Variants in ZSCAN5A observed in about 807,000 individuals in gnomAD.
ZSCAN5A encodes the protein zinc finger and SCAN domain-containing protein 5A.
In ZSCAN5A, 12 loss-of-function variants were observed where a neutral mutation model predicts 23.7. That is an observed-to-expected ratio of 0.51 (90% CI 0.32 to 0.82). The LOEUF is 0.82. ZSCAN5A is among the 40% of genes least tolerant of loss of function. ZSCAN5A has a pLI of 0.03. For synonymous variants in ZSCAN5A, 257 were observed against 239.9 expected, an observed-to-expected ratio of 1.07 and a Z score of -0.66; for missense variants, 597 against 617.9, an observed-to-expected ratio of 0.97 and a Z score of 0.36.
chr19:56,297,896 A>C (rs2039980649), intron 2 of ZSCAN5A: 1 of 152,176 alleles, frequency 6.6e-6, no homozygotes. Flanking sequence ...CAAGTGATCC[A>C]GATGGTGGAG....
chr19:56,280,190 C>T (rs2038583828), intron 2 of ZSCAN5A, among the ~76,000 whole-genome samples: 1 of 152,180 alleles, frequency 6.6e-6, no homozygotes, highest in South Asian at 2.1e-4. Flanking sequence ...GCGTATTATA[C>T]ACACTGTTCT....
At chr19:56,265,815 ATT>A (rs1448114277) in intron 2 of ZSCAN5A, among the ~76,000 whole-genome samples, 1 of 152,336 alleles carries the variant, frequency 6.6e-6, no homozygotes, top group East Asian at 1.9e-4. Context: ...AAGCAGTCTG[ATT>A]AGCCTGGCTT....
At chr19:56,301,389 A>G (rs2040219133) in intron 2 of ZSCAN5A, among the ~76,000 whole-genome samples, 1 of 152,058 alleles carries the variant, frequency 6.6e-6, no homozygotes, top group African/African-American at 2.4e-5. Context: ...GTGAACTGTC[A>G]TGGTACTGGT....
At chr19:56,353,778 T>C (rs1299448514) in intron 2 of ZSCAN5A, among the ~76,000 whole-genome samples, 3 of 151,248 alleles carry the variant, frequency 2.0e-5, no homozygotes, top group East Asian at 3.9e-4. Flanking sequence ...CGAGACTCTG[T>C]CTCAAAAAAT....
intron 2 of ZSCAN5A, chr19:56,322,370 C>T (rs2041385329): frequency 1.1e-5 from 8 of 738,656 alleles, no homozygotes; most frequent in Admixed American, 5.5e-5. Flanking sequence ...CTATTCCACA[C>T]CTCTCAGCCG....
chr19:56,283,584 A>G (rs1046983176), intron 2 of ZSCAN5A: 2 of 152,180 alleles, frequency 1.3e-5, no homozygotes, highest in African/African-American at 4.8e-5. Context: ...AGCACTTTCC[A>G]CTAGCAAACC....
At chr19:56,336,588 A>T (rs776353017) in intron 2 of ZSCAN5A, among the ~76,000 whole-genome samples, 1 of 152,160 alleles carries the variant, frequency 6.6e-6, no homozygotes, top group African/African-American at 2.4e-5. Context: ...TCAACTCGTC[A>T]AAGTCATTCT....
chr19:56,347,907 T>G (rs917001172), intron 2 of ZSCAN5A: 16 of 152,242 alleles, frequency 1.1e-4, no homozygotes, highest in Admixed American at 1.0e-3. Flanking sequence ...TTTGCAGGCT[T>G]GCAACATCCA....
intron 2 of ZSCAN5A, chr19:56,283,392 A>G (rs2038861127): frequency 6.6e-6 from 1 of 152,210 alleles, no homozygotes; most frequent in Non-Finnish European, 1.5e-5. Context: ...ACAGGAAACA[A>G]TATCTCCATT....
chr19:56,250,822 T>C (rs2036283767), intron 2 of ZSCAN5A, among the ~76,000 whole-genome samples: 1 of 152,224 alleles, frequency 6.6e-6, no homozygotes, highest in South Asian at 2.1e-4. Context: ...TTTTATTTTC[T>C]ATGGATTCTA....
At chr19:56,250,904 A>G (rs1367366704) in intron 2 of ZSCAN5A, among the ~76,000 whole-genome samples, 1 of 152,144 alleles carries the variant, frequency 6.6e-6, no homozygotes, top group Non-Finnish European at 1.5e-5. Flanking sequence ...TGATCCCAGC[A>G]CTTTGGGAGG....
At chr19:56,335,754 T>C (rs1163344630) in intron 2 of ZSCAN5A, among the ~76,000 whole-genome samples, 1 of 152,252 alleles carries the variant, frequency 6.6e-6, no homozygotes, top group Non-Finnish European at 1.5e-5. Context: ...AGTGCTTCCT[T>C]CAGGAGCTCT....
intron 2 of ZSCAN5A, among the ~76,000 whole-genome samples, chr19:56,303,205 C>T (rs987729036): frequency 1.3e-5 from 2 of 152,164 alleles, no homozygotes; most frequent in Non-Finnish European, 2.9e-5. Context: ...CCAGGCCGGG[C>T]ACGGTGGCTC....
chr19:56,245,356 T>G (rs570508577), intron 2 of ZSCAN5A: 2 of 752,616 alleles, frequency 2.7e-6, no homozygotes, highest in East Asian at 5.0e-5. Flanking sequence ...ATGAGATGCG[T>G]CCGGGGGAAG....
At chr19:56,350,855 GTTTTA>G (rs1308293505) in intron 2 of ZSCAN5A, among the ~76,000 whole-genome samples, 1 of 151,612 alleles carries the variant, frequency 6.6e-6, no homozygotes, top group Admixed American at 6.6e-5. Context: ...ATTAAATAAT[GTTTTA>G]TTTAATAAAA....
At chr19:56,316,775 A>T (rs1018279755), upstream of ZSCAN5A, 4 of 152,326 alleles carry the variant, frequency 2.6e-5, no homozygotes, top group African/African-American at 9.7e-5. Context: ...CTCTGCCACT[A>T]ATGATCATTA....
chr19:56,293,534 G>A (rs2039657673), intron 2 of ZSCAN5A, among the ~76,000 whole-genome samples: 1 of 152,122 alleles, frequency 6.6e-6, no homozygotes, highest in South Asian at 2.1e-4. Flanking sequence ...TGCACTGTGG[G>A]CGCCGGTCCT....
intron 2 of ZSCAN5A, among the ~76,000 whole-genome samples, chr19:56,262,163 G>A (rs947895169): frequency 2.0e-5 from 3 of 151,838 alleles, no homozygotes; most frequent in Non-Finnish European, 2.9e-5. Flanking sequence ...GGTTACAGGC[G>A]CCTGCCACCA....
intron 2 of ZSCAN5A, among the ~76,000 whole-genome samples, chr19:56,359,153 A>G (rs947719409): frequency 6.6e-6 from 1 of 152,086 alleles, no homozygotes; most frequent in Non-Finnish European, 1.5e-5. Flanking sequence ...TCTTTGAAAA[A>G]AAAAATCAAT....
Sources: allele counts gnomAD v4.1 joint callset (sites outside exome capture counted in the v4.1 genomes callset), GRCh38; gene constraint gnomAD v4.1.1; transcripts MANE v1.5; gene names NCBI Gene and HGNC (gene_info 2026-07-23, HGNC 2026-07-21).